Variants in STXBP2 observed in about 807,000 individuals in gnomAD.
STXBP2 encodes syntaxin-binding protein 2.
A neutral mutation model predicts 72.2 loss-of-function variants in STXBP2; 47 were observed. The observed-to-expected ratio is 0.65, with a 90% CI of 0.51 to 0.83. The LOEUF is 0.83. Ranked by LOEUF, STXBP2 falls within the 40% of genes least tolerant of loss-of-function variation. The pLI, the probability that STXBP2 is intolerant of heterozygous loss-of-function variation, is 0.00. For synonymous variants in STXBP2, 367 were observed against 338.7 expected, an observed-to-expected ratio of 1.08 and a Z score of -0.92; for missense variants, 702 against 807.6, an observed-to-expected ratio of 0.87 and a Z score of 1.58.
chr19:7,640,362 GTA>G (rs2031793625), intron 4 of STXBP2: 2 of 566,864 alleles, frequency 3.5e-6, no homozygotes, highest in Non-Finnish European at 6.6e-6. Context: ...GTGCATGTGT[GTA>G]TGCGTGTGTG....
chr19:7,632,416 C>CG, upstream of STXBP2: 1 of 1,613,920 alleles, frequency 6.2e-7, no homozygotes, highest in African/African-American at 1.3e-5. The surrounding 1 kb of genome is among the most constrained non-coding windows in gnomAD (Gnocchi z 5.2). Flanking sequence ...GGCTGGAAGC[C>CG]GGGCAGGCTG....
chr19:7,644,242 G>A (rs2032036724), intron 13 of STXBP2: 1 of 207,740 alleles, frequency 4.8e-6, no homozygotes, highest in Non-Finnish European at 8.6e-6. Flanking sequence ...ACCTGGGTGA[G>A]GGGTGGAACC....
upstream of STXBP2, chr19:7,633,539 G>C: frequency 5.0e-6 from 7 of 1,404,922 alleles, no homozygotes; most frequent in Non-Finnish European, 5.9e-6. Flanking sequence ...CCAGGACGTG[G>C]GGGTGTGGAT....
intron 3 of STXBP2, chr19:7,639,376 G>T (rs1403389192): frequency 1.7e-6 from 1 of 593,328 alleles, no homozygotes; most frequent in African/African-American, 1.9e-5. Flanking sequence ...GGAGCCCTGT[G>T]TGGGACTCCC....
intron 15 of STXBP2, chr19:7,645,917 T>G: frequency 4.6e-6 from 2 of 430,936 alleles, no homozygotes; most frequent in Non-Finnish European, 4.3e-6. Context: ...TCTGTCCCCA[T>G]CTTCCTCTCT....
chr19:7,633,851 C>T (rs905171752), upstream of STXBP2: 7 of 200,436 alleles, frequency 3.5e-5, no homozygotes, highest in Non-Finnish European at 7.0e-5. Flanking sequence ...ACCCAGCCAC[C>T]CAGGTTCCCC....
At chr19:7,631,190 T>C in the STXBP2 span, 12 of 1,299,300 alleles carry the variant, frequency 9.2e-6, 1 homozygote, top group South Asian at 3.3e-5. Flanking sequence ...GCCTGGGCAA[T>C]AGAGTGAGAC....
chr19:7,636,888 G>A (rs988714759), upstream of STXBP2: 3 of 385,536 alleles, frequency 7.8e-6, no homozygotes, highest in Non-Finnish European at 1.4e-5. Flanking sequence ...CAGGAAGTGT[G>A]TGTCTGAACT....
chr19:7,630,123 G>T, the STXBP2 span: 2 of 446,412 alleles, frequency 4.5e-6, no homozygotes, highest in Non-Finnish European at 7.9e-6. Flanking sequence ...TGAGAAGGGG[G>T]CTCTAAAGAA....
At position 7,642,977 on chromosome 19, in the gene STXBP2, C is replaced by G; in HGVS notation, c.961-6C>G. On this transcript the variant is annotated splice_polypyrimidine_tract_variant and splice_region_variant and intron_variant, in intron 11 of 18. Coordinates refer to ENST00000221283, the MANE Select transcript of STXBP2 (RefSeq NM_006949.4). This position sits in a 1 kb window ranked among gnomAD's most constrained non-coding sequence, Gnocchi z 6.0. ...AATCCCTACCCTCTTCCCCCTACTT[C>G]CCCAGGCGAACATCAAAGACCTATC... is the stretch of plus-strand genomic sequence containing the variant. The G allele has an allele frequency of 6.2e-7, 1 of 1,614,164 alleles. No individual in the cohort carries two copies. The highest frequency in any genetic ancestry group is 8.5e-7 in the Non-Finnish European group (1 of 1,180,042).
chr19:7,633,377 G>T (rs774949993), upstream of STXBP2: 8 of 1,554,590 alleles, frequency 5.1e-6, no homozygotes, highest in Non-Finnish European at 7.0e-6. Flanking sequence ...ACCTTGAGCT[G>T]GGGGTGGGGT....
At chr19:7,639,239 C>T (rs1343297710) in intron 3 of STXBP2, 139 bp downstream of exon 3, 2 of 909,056 alleles carry the variant, frequency 2.2e-6, no homozygotes, top group East Asian at 2.6e-5. Flanking sequence ...CCTGCACGGA[C>T]AGCCCGGATC....
At chr19:7,638,903 G>A in intron 2 of STXBP2, 116 bp from the exon 3 acceptor site, 1 of 1,565,350 alleles carries the variant, frequency 6.4e-7, no homozygotes, top group Non-Finnish European at 8.8e-7. Context: ...TGGGTTCTGG[G>A]TCCTCCCACC....
the STXBP2 span, chr19:7,630,648 A>T: frequency 3.3e-6 from 5 of 1,537,050 alleles, no homozygotes; most frequent in Admixed American, 2.0e-5. Flanking sequence ...GGACGATGTC[A>T]TACAGCGCAA....
chr19:7,643,163 A>G lies in STXBP2; in HGVS notation c.1027-2A>G. 1 of 1,614,146 alleles carries G rather than the reference A, an allele frequency of 6.2e-7. No individual in the cohort carries two copies. Among genetic ancestry groups the G allele is most frequent in the Non-Finnish European group, 8.5e-7 (1 of 1,180,038 alleles). The stretch of plus-strand genomic sequence containing the variant: ...CCCCAACCCCCACCCTGCACCCTGC[A>G]GTATTCTACGCACCTGCATCTAGCA... On this transcript the variant is annotated splice_acceptor_variant, in intron 12 of 18. Transcript: ENST00000221283. LOFTEE classifies it high-confidence loss of function.
intron 14 of STXBP2, 159 bp from the exon 15 acceptor site, chr19:7,645,038 T>C: frequency 6.9e-7 from 1 of 1,453,526 alleles, no homozygotes; most frequent in South Asian, 1.4e-5. Context: ...CCCCTCCAGG[T>C]TTCCCACTCT....
At chr19:7,635,623 G>A (rs1340784696), upstream of STXBP2, among the ~76,000 whole-genome samples, 1 of 152,176 alleles carries the variant, frequency 6.6e-6, no homozygotes, top group African/African-American at 2.4e-5. Flanking sequence ...TTGAGCTCAG[G>A]AAGTCGAGGC....
intron 16 of STXBP2, 37 bp from the exon 17 acceptor site, chr19:7,647,125 C>G: frequency 6.2e-7 from 1 of 1,605,076 alleles, no homozygotes; most frequent in Non-Finnish European, 8.5e-7. Flanking sequence ...GACCCCATGC[C>G]TGGGGTTCCT....
At chr19:7,637,016 C>G, upstream of STXBP2, 1 of 1,038,802 alleles carries the variant, frequency 9.6e-7, no homozygotes, top group East Asian at 3.3e-5. Context: ...GGGCGAGAAC[C>G]GACGGCGGGG....
Sources: gnomAD v4.1 joint callset for allele counts (sites outside exome capture counted in the v4.1 genomes callset) on GRCh38, gnomAD v4.1.1 for gene constraint, Gnocchi (gnomAD v3.1) non-coding constraint, MANE v1.5 for transcripts, NCBI Gene and HGNC (gene_info 2026-07-23, HGNC 2026-07-21) for gene names.